The following CHN1 variants were observed in gnomAD, a reference collection of about 807,000 sequenced individuals.
CHN1 encodes N-chimaerin.
A neutral mutation model predicts 59.5 loss-of-function variants in CHN1; 37 were observed. That is an observed-to-expected ratio of 0.62 (90% CI 0.48 to 0.82). The LOEUF (loss-of-function observed/expected upper bound fraction) is 0.82, where lower values mean the gene tolerates loss of function less well. Among genes scored for constraint, CHN1 ranks in the 40% least tolerant of loss-of-function variants. CHN1 has a pLI of 0.00. For synonymous variants in CHN1, 206 were observed against 200.4 expected (o/e 1.03, Z -0.24); for missense variants, 469 against 571.0 (o/e 0.82, Z 1.82).
rs369131390 is a variant in CHN1, at chr2:174,893,758, T to C, written c.261-15630A>G. Among the ~76,000 whole-genome samples the C allele has an allele frequency of 3.9e-5, 6 of 152,156 alleles. No individual in the cohort carries two copies. In the East Asian group the frequency reaches 7.7e-4, roughly 20 times the overall value. ...TAACAAAGCTACAAAGCTACAGTAATCAAAGTTGTATGGTTTTGGACATAG... is the reference window on the plus strand; with the variant it reads ...TAACAAAGCTACAAAGCTACAGTAACCAAAGTTGTATGGTTTTGGACATAG... On this transcript the variant is annotated intron_variant, in intron 5 of 12. Coordinates refer to ENST00000409900, the MANE Select transcript of CHN1 (RefSeq NM_001822.7).
Position 174,921,649 on chromosome 2 carries a change from G to A in CHN1, c.115-3084C>T, listed in dbSNP as rs373478205. 5.9e-5 allele frequency among the ~76,000 whole-genome samples: 9 copies of A among 151,962 alleles called. No homozygotes were observed. The South Asian group carries it at 1.0e-3, about 18-fold the overall frequency. The stretch of plus-strand genomic sequence containing the variant: ...AGAGGTTTAATTAACTCACAGTTCC[G>A]CATGGCTGGGGAGGTTTCAGGAAAC... On this transcript the variant is annotated intron_variant, in intron 3 of 12. Transcript: ENST00000409900.
chr2:174,936,862 G>A (rs1408982384), intron 3 of CHN1, among the ~76,000 whole-genome samples: 1 of 152,070 alleles, frequency 6.6e-6, no homozygotes, highest in Non-Finnish European at 1.5e-5. Flanking sequence ...TATGTGCTTG[G>A]TTTTTAAAGC....
At chr2:174,957,009 G>T (rs1025629748) in intron 1 of CHN1, among the ~76,000 whole-genome samples, 3 of 152,078 alleles carry the variant, frequency 2.0e-5, no homozygotes, top group Admixed American at 2.0e-4. Flanking sequence ...ATAACCTTGT[G>T]TTATATGTGT....
chr2:174,878,337 A>G (rs185387059), intron 5 of CHN1, among the ~76,000 whole-genome samples: 46 of 152,354 alleles, frequency 3.0e-4, no homozygotes, highest in Admixed American at 2.8e-3. Flanking sequence ...AATTAGGGAC[A>G]ACTAGTCAAA....
chr2:174,902,203 C>T (rs935191698), intron 5 of CHN1, among the ~76,000 whole-genome samples: 2 of 152,108 alleles, frequency 1.3e-5, no homozygotes, highest in Non-Finnish European at 2.9e-5. Context: ...TCCTCTTGTG[C>T]TTTTACAATA....
intron 5 of CHN1, among the ~76,000 whole-genome samples, chr2:174,887,848 T>C (rs1687935949): frequency 6.6e-6 from 1 of 152,202 alleles, no homozygotes; most frequent in Admixed American, 6.5e-5. Context: ...GTTCTAAGTC[T>C]GACAATTTAT....
chr2:174,998,093 A>C (rs1055949930), intron 1 of CHN1, among the ~76,000 whole-genome samples: 2 of 151,870 alleles, frequency 1.3e-5, no homozygotes, highest in African/African-American at 4.8e-5. Context: ...ACATGAGGTC[A>C]GGAGTTCAAG....
At chr2:174,886,391 T>TA (rs1401764060) in intron 5 of CHN1, among the ~76,000 whole-genome samples, 1 of 152,198 alleles carries the variant, frequency 6.6e-6, no homozygotes, top group Non-Finnish European at 1.5e-5. Flanking sequence ...GCCTTTCTCT[T>TA]ACCTAAATTG....
intron 11 of CHN1, among the ~76,000 whole-genome samples, chr2:174,806,036 G>A (rs1030768124): frequency 2.6e-5 from 4 of 152,210 alleles, no homozygotes; most frequent in Non-Finnish European, 4.4e-5. Context: ...TGTTTCCATC[G>A]TGACCAGGAA....
At chr2:174,864,750 G>C (rs1687165257) in intron 6 of CHN1, among the ~76,000 whole-genome samples, 1 of 152,240 alleles carries the variant, frequency 6.6e-6, no homozygotes, top group African/African-American at 2.4e-5. Flanking sequence ...TGTAGTACCA[G>C]TACTTCAGAG....
At chr2:174,824,053 A>G (rs1685596101) in intron 8 of CHN1, among the ~76,000 whole-genome samples, 1 of 152,248 alleles carries the variant, frequency 6.6e-6, no homozygotes, top group African/African-American at 2.4e-5. Context: ...TCAGTTTCCA[A>G]GGCAACAATC....
intron 1 of CHN1, among the ~76,000 whole-genome samples, chr2:174,963,863 T>C (rs1559000681): frequency 6.6e-6 from 1 of 152,086 alleles, no homozygotes; most frequent in East Asian, 1.9e-4. Flanking sequence ...AAATTGCAGG[T>C]GGCAGCAAGG....
rs1002654777 is a variant in CHN1, at chr2:174,928,098, G to A, written c.115-9533C>T. 3.9e-5 allele frequency among the ~76,000 whole-genome samples: 6 copies of A among 152,242 alleles called. No homozygotes were observed. In the South Asian group the frequency reaches 8.3e-4, roughly 21 times the overall value. The stretch of plus-strand genomic sequence containing the variant: ...TTTGCTATCTACAGAGGTATATTCC[G>A]AATTAAAGGCTAGTAAGTCGGTCAG... On this transcript the variant is annotated intron_variant, in intron 3 of 12. Coordinates refer to ENST00000409900, the MANE Select transcript of CHN1 (RefSeq NM_001822.7).
intron 1 of CHN1, among the ~76,000 whole-genome samples, chr2:174,979,378 A>T (rs1381002733): frequency 2.0e-5 from 3 of 152,192 alleles, no homozygotes; most frequent in South Asian, 2.1e-4. Flanking sequence ...ATCTATTTTT[A>T]AAAAAAGAAA....
At chr2:174,839,149 G>A (rs1021515964) in intron 7 of CHN1, among the ~76,000 whole-genome samples, 2 of 151,972 alleles carry the variant, frequency 1.3e-5, no homozygotes, top group African/African-American at 2.4e-5. Flanking sequence ...GCTAATTAAT[G>A]TAAGCATTAC....
intron 1 of CHN1, among the ~76,000 whole-genome samples, chr2:174,975,649 A>G (rs916577877): frequency 2.7e-5 from 4 of 147,450 alleles, no homozygotes; most frequent in African/African-American, 1.1e-4. Flanking sequence ...AAAAAAACAA[A>G]ACAAACAAAA....
At chr2:174,988,257 T>C (rs1691417576) in intron 1 of CHN1, among the ~76,000 whole-genome samples, 1 of 149,784 alleles carries the variant, frequency 6.7e-6, no homozygotes, top group Non-Finnish European at 1.5e-5. Context: ...CACGGGAGGC[T>C]GAGGCAGGAG....
chr2:174,911,040 T>C (rs13015735), intron 5 of CHN1, among the ~76,000 whole-genome samples: 71,362 of 151,934 alleles, frequency 0.47, 17,561 homozygotes, highest in African/African-American at 0.6. Flanking sequence ...AATGAAAATT[T>C]TGGAACTAAA....
chr2:174,884,404 G>A (rs1317002307), intron 5 of CHN1, among the ~76,000 whole-genome samples: 1 of 152,112 alleles, frequency 6.6e-6, no homozygotes, highest in Non-Finnish European at 1.5e-5. Flanking sequence ...CCTACACCAA[G>A]AACTGGTGCT....
Sources: allele counts gnomAD v4.1 joint callset (sites outside exome capture counted in the v4.1 genomes callset), GRCh38; gene constraint gnomAD v4.1.1; transcripts MANE v1.5; gene names NCBI Gene and HGNC (gene_info 2026-07-23, HGNC 2026-07-21).